NSD1: variants seen among roughly 807,000 people sequenced by gnomAD.
NSD1 encodes histone-lysine N-methyltransferase, H3 lysine-36 specific.
In NSD1, 26 loss-of-function variants were observed where a neutral mutation model predicts 242.7. That is an observed-to-expected ratio of 0.11 (90% CI 0.08 to 0.15). The LOEUF is 0.15. Among genes scored for constraint, NSD1 ranks in the 10% least tolerant of loss-of-function variants. NSD1 has a pLI of 1.00. For missense variants in NSD1, 2,495 were observed against 3,272.8 expected (o/e 0.76, Z 5.80); for synonymous variants, 1,106 against 1,178.1 (o/e 0.94, Z 1.25).
intron 8 of NSD1, among the ~76,000 whole-genome samples, chr5:177,243,123 A>AC (rs1450659007): frequency 1.3e-5 from 2 of 152,186 alleles, no homozygotes; most frequent in Non-Finnish European, 2.9e-5. Flanking sequence ...CACCAGGTAA[A>AC]CAGGTCTCTG....
chr5:177,255,284 G>A (rs542889594), intron 12 of NSD1, among the ~76,000 whole-genome samples: 4 of 151,712 alleles, frequency 2.6e-5, no homozygotes, highest in African/African-American at 7.3e-5. Context: ...CATCCTGGGC[G>A]AGAGAGGGAG....
At chr5:177,202,579 A>G (rs373479689) in intron 3 of NSD1, among the ~76,000 whole-genome samples, 7 of 151,998 alleles carry the variant, frequency 4.6e-5, no homozygotes, top group South Asian at 2.1e-4. Context: ...GGGTCTTGCT[A>G]TGTTTCCCAG....
chr5:177,183,581 A>C (rs1266197975), intron 2 of NSD1, among the ~76,000 whole-genome samples: 1 of 152,168 alleles, frequency 6.6e-6, no homozygotes, highest in African/African-American at 2.4e-5. Context: ...CATTAGGGTA[A>C]ATGGAGTTAC....
At chr5:177,275,044 A>G (rs903453736) in intron 17 of NSD1, among the ~76,000 whole-genome samples, 1 of 151,116 alleles carries the variant, frequency 6.6e-6, no homozygotes, top group Non-Finnish European at 1.5e-5. Context: ...GTGTGTTTCC[A>G]AAGACTGATA....
rs778224407 is a variant in NSD1 at position 177,238,365 on chromosome 5, G to T, written c.4050G>T (p.Pro1350=). The T allele has an allele frequency of 6.2e-7, 1 of 1,613,912 alleles. No individual in the cohort carries two copies. The highest frequency in any genetic ancestry group is 8.5e-7 in the Non-Finnish European group (1 of 1,179,938). Residue 1350 remains proline, a synonymous_variant, in exon 7 of 23, where the codon CCG becomes CCT. Transcript: ENST00000439151. The surrounding 1 kb of genome is among the most constrained non-coding windows in gnomAD (Gnocchi z 4.6). The stretch of plus-strand genomic sequence containing the variant: ...CTCCAGTTCTTGAAAGGGAGGCTCC[G>T]TTTTTGGAGGGCCCCTTGGCTCAGT... ...EEPPVLEREA[P]FLEGPLAQSE... is the part of the protein sequence containing the mutation.
At chr5:177,250,699 CTA>C (rs1173106521) in intron 11 of NSD1, among the ~76,000 whole-genome samples, 1 of 152,026 alleles carries the variant, frequency 6.6e-6, no homozygotes, top group African/African-American at 2.4e-5. Context: ...ATATCTCAGA[CTA>C]TAGGTTGATA....
At position 177,269,504 on chromosome 5, in the gene NSD1, G is replaced by T; in HGVS notation, c.5304-98G>T. The T allele has an allele frequency of 9.6e-7, 1 of 1,039,114 alleles. No homozygotes were observed. The highest frequency in any genetic ancestry group is 1.3e-5 in the South Asian group (1 of 75,024). 64.4% of individuals were successfully genotyped at this position (1,039,114 alleles called of 1,614,324 possible). On this transcript the variant is annotated intron_variant, in intron 15 of 22. Coordinates refer to ENST00000439151, the MANE Select transcript of NSD1 (RefSeq NM_022455.5). The surrounding 1 kb of genome is among the most constrained non-coding windows in gnomAD (Gnocchi z 5.1). ...CGTAAGATGGACTTTAATGTGGACA[G>T]ACAGACATTGCTAATCCTTACTTTT...
intron 12 of NSD1, among the ~76,000 whole-genome samples, chr5:177,256,155 C>T (rs1318484697): frequency 2.0e-5 from 3 of 152,078 alleles, no homozygotes; most frequent in Non-Finnish European, 2.9e-5. Flanking sequence ...AGGCCAAAAA[C>T]GTCTCTGTAG....
intron 6 of NSD1, among the ~76,000 whole-genome samples, chr5:177,237,331 T>C (rs1765525403): frequency 6.6e-6 from 1 of 152,066 alleles, no homozygotes; most frequent in Non-Finnish European, 1.5e-5. Flanking sequence ...TGCTTCTTTC[T>C]TTCCCATTAA....
At chr5:177,136,064 A>G (rs1345195706) in intron 2 of NSD1, 34 bp downstream of exon 2, 14 of 1,523,572 alleles carry the variant, frequency 9.2e-6, no homozygotes, top group African/African-American at 2.8e-5. Flanking sequence ...AAATATATAC[A>G]TATATGTATA....
intron 17 of NSD1, among the ~76,000 whole-genome samples, chr5:177,277,893 C>T (rs1380543248): frequency 6.6e-6 from 1 of 152,138 alleles, no homozygotes; most frequent in Non-Finnish European, 1.5e-5. Flanking sequence ...GTAGCATGAA[C>T]CTTTATGTGT....
At chr5:177,266,396 T>C in intron 14 of NSD1, 1 of 656,214 alleles carries the variant, frequency 1.5e-6, no homozygotes, top group Non-Finnish European at 2.9e-6. Flanking sequence ...AGGATGCTTG[T>C]GTCCGAGCCC....
At chr5:177,204,035 T>C (rs1762698268) in intron 3 of NSD1, 85 bp from the exon 4 acceptor site, 18 of 1,300,150 alleles carry the variant, frequency 1.4e-5, no homozygotes. Flanking sequence ...ACAGTCTTCT[T>C]TGGCGGCAAT....
At chr5:177,259,528 CA>C (rs1462436599) in intron 13 of NSD1, among the ~76,000 whole-genome samples, 1 of 152,124 alleles carries the variant, frequency 6.6e-6, no homozygotes, top group Non-Finnish European at 1.5e-5. Context: ...ATTGTTATTA[CA>C]GATTGCATTA....
chr5:177,268,175 C>G (rs1757663454), intron 15 of NSD1, among the ~76,000 whole-genome samples: 1 of 151,536 alleles, frequency 6.6e-6, no homozygotes, highest in African/African-American at 2.4e-5. Flanking sequence ...GTGGTGTGAT[C>G]ATTGCTCACT....
At position 177,210,890 on chromosome 5, in the gene NSD1, G is replaced by A. The variant is rs1450873320; in HGVS notation, c.2491G>A (p.Gly831Arg). ...GSPLASISKS[G>R]KVDGLKLLNN... ...TCCTTTGGCCAGCATTTCTAAAAGT[G>A]GGAAAGTGGATGGTCTAAAACTACT... Residue 831 changes from glycine (G) to arginine (R), a missense_variant, in exon 5 of 23, where the codon GGG (glycine) becomes AGG (arginine). Gly to Arg is a moderately radical substitution (Grantham distance 125). Transcript: ENST00000439151. The A allele has an allele frequency of 6.2e-7, 1 of 1,614,068 alleles. No homozygotes were observed. Among genetic ancestry groups the A allele is most frequent in the Non-Finnish European group, 8.5e-7 (1 of 1,180,052 alleles).
chr5:177,273,296 A>G (rs1758089310), intron 16 of NSD1, among the ~76,000 whole-genome samples: 1 of 147,822 alleles, frequency 6.8e-6, no homozygotes, highest in Non-Finnish European at 1.5e-5. Context: ...ACTAACAGTA[A>G]CAATAACTGA....
intron 17 of NSD1, among the ~76,000 whole-genome samples, chr5:177,277,293 G>A (rs1758476543): frequency 6.6e-6 from 1 of 152,072 alleles, no homozygotes; most frequent in Admixed American, 6.6e-5. Flanking sequence ...GAGATTTTGT[G>A]ACACATAAAG....
At chr5:177,191,633 T>A (rs1475693651) in intron 2 of NSD1, among the ~76,000 whole-genome samples, 16 of 152,212 alleles carry the variant, frequency 1.1e-4, no homozygotes, top group Admixed American at 9.2e-4. Flanking sequence ...GCCAGCTTAA[T>A]TTTATTTTCA....
Sources: gnomAD v4.1 joint callset for allele counts (sites outside exome capture counted in the v4.1 genomes callset) on GRCh38, gnomAD v4.1.1 for gene constraint, Gnocchi (gnomAD v3.1) non-coding constraint, MANE v1.5 for transcripts, NCBI Gene and HGNC (gene_info 2026-07-23, HGNC 2026-07-21) for gene names.